The following KPNA3 variants were observed in gnomAD, a reference collection of about 807,000 sequenced individuals.
KPNA3 encodes karyopherin subunit alpha 3.
Under a neutral mutation model 73.8 loss-of-function variants are expected in KPNA3, and 13 were observed. The ratio of observed to expected loss-of-function variants is 0.18; its 90% confidence interval spans 0.11 to 0.28. The LOEUF is 0.28. Ranked by LOEUF, KPNA3 falls within the 10% of genes least tolerant of loss-of-function variation. The probability of loss-of-function intolerance (pLI) is 1.00; values close to 1 mark genes in which losing one functional copy is unlikely to be tolerated. For synonymous variants in KPNA3, 186 were observed against 206.9 expected (o/e 0.90, Z 0.87); for missense variants, 360 against 618.1 (o/e 0.58, Z 4.43).
intron 2 of KPNA3, among the ~76,000 whole-genome samples, chr13:49,740,426 TG>T (rs1310559914): frequency 2.0e-5 from 3 of 152,134 alleles, no homozygotes; most frequent in Non-Finnish European, 4.4e-5. Flanking sequence ...CATCTTGAAT[TG>T]TAACTCCCAC....
chr13:49,704,154 G>A (rs1012110702), intron 15 of KPNA3, among the ~76,000 whole-genome samples: 20 of 152,174 alleles, frequency 1.3e-4, no homozygotes, highest in Non-Finnish European at 2.6e-4. Flanking sequence ...GGGTGCAGTG[G>A]CTCACGCCTG....
At chr13:49,702,258 G>GA (rs1341572771) in intron 16 of KPNA3, 128 bp downstream of exon 16, 1 of 605,946 alleles carries the variant, frequency 1.7e-6, no homozygotes, top group Non-Finnish European at 2.9e-6. Flanking sequence ...GTGACTGATG[G>GA]AATGTCTAAT....
chr13:49,781,077 G>T (rs1312192666), intron 1 of KPNA3, among the ~76,000 whole-genome samples: 1 of 151,890 alleles, frequency 6.6e-6, no homozygotes, highest in Non-Finnish European at 1.5e-5. Flanking sequence ...TTACTTCCAG[G>T]CTTGCCCAAG....
chr13:49,752,106 T>C (rs7993281), intron 1 of KPNA3, among the ~76,000 whole-genome samples: 6,733 of 152,110 alleles, frequency 0.044, 473 homozygotes, highest in African/African-American at 0.15. Flanking sequence ...ACTAGAGACT[T>C]TGGAAAGGCA....
At chr13:49,784,372 A>G (rs1954965355) in intron 1 of KPNA3, among the ~76,000 whole-genome samples, 1 of 152,242 alleles carries the variant, frequency 6.6e-6, no homozygotes, top group Non-Finnish European at 1.5e-5. Context: ...TAGGCTAAAT[A>G]TGAAATTGCC....
chr13:49,720,259 G>C (rs984230936), intron 9 of KPNA3, among the ~76,000 whole-genome samples: 4 of 152,154 alleles, frequency 2.6e-5, no homozygotes, highest in Non-Finnish European at 4.4e-5. Flanking sequence ...AGCTACTTAA[G>C]TCAAATTAAA....
At chr13:49,790,197 C>A (rs1955021052) in intron 1 of KPNA3, among the ~76,000 whole-genome samples, 2 of 152,134 alleles carry the variant, frequency 1.3e-5, no homozygotes. Context: ...CTGGGTGTGA[C>A]GACTAGCATC....
chr13:49,707,847 C>T (rs996384585), intron 12 of KPNA3, among the ~76,000 whole-genome samples: 2 of 152,080 alleles, frequency 1.3e-5, no homozygotes, highest in South Asian at 4.1e-4. Context: ...TATAAGAACC[C>T]AACAGTCAAA....
chr13:49,785,567 T>C (rs1954975474), intron 1 of KPNA3, among the ~76,000 whole-genome samples: 1 of 152,098 alleles, frequency 6.6e-6, no homozygotes, highest in African/African-American at 2.4e-5. Context: ...CACATTGAAA[T>C]GATGATTAAA....
intron 1 of KPNA3, among the ~76,000 whole-genome samples, chr13:49,762,315 C>T (rs1045365712): frequency 1.3e-5 from 2 of 152,064 alleles, no homozygotes; most frequent in African/African-American, 4.8e-5. Flanking sequence ...GCCGCCCCTG[C>T]TGGGAAGTGA....
chr13:49,761,976 T>C (rs1257278748), intron 1 of KPNA3, among the ~76,000 whole-genome samples: 2 of 151,262 alleles, frequency 1.3e-5, no homozygotes, highest in African/African-American at 4.9e-5. Flanking sequence ...CCGCCCCATC[T>C]GAGAAGTGAG....
chr13:49,730,049 A>T (rs573799539), intron 6 of KPNA3, among the ~76,000 whole-genome samples: 14 of 152,274 alleles, frequency 9.2e-5, no homozygotes, highest in African/African-American at 3.4e-4. Flanking sequence ...AATCACGGAA[A>T]ATTTTCTGTT....
chr13:49,758,488 C>T (rs530349608), intron 1 of KPNA3, among the ~76,000 whole-genome samples: 26 of 152,132 alleles, frequency 1.7e-4, no homozygotes, highest in Non-Finnish European at 2.9e-4. Flanking sequence ...CTGGGTGCAG[C>T]GCTGCTGGTG....
intron 1 of KPNA3, among the ~76,000 whole-genome samples, chr13:49,780,266 GCT>G (rs527820624): frequency 1.5e-3 from 222 of 152,100 alleles, no homozygotes; most frequent in African/African-American, 4.8e-3. Context: ...CTGCTTTTGC[GCT>G]CAAGACACAG....
chr13:49,764,182 C>G (rs907171849), intron 1 of KPNA3, among the ~76,000 whole-genome samples: 1 of 150,348 alleles, frequency 6.7e-6, no homozygotes, highest in Admixed American at 6.6e-5. Flanking sequence ...TTGTTTCCTT[C>G]TTATATAGTC....
At chr13:49,734,914 T>C (rs2025264) in intron 2 of KPNA3, among the ~76,000 whole-genome samples, 35,575 of 139,538 alleles carry the variant, frequency 0.25, 5,124 homozygotes, top group Non-Finnish European at 0.34. Flanking sequence ...TATATATATA[T>C]ACACACACAT....
intron 1 of KPNA3, among the ~76,000 whole-genome samples, chr13:49,790,963 T>C (rs1350889623): frequency 6.6e-6 from 1 of 152,230 alleles, no homozygotes; most frequent in African/African-American, 2.4e-5. Flanking sequence ...AGTGGACCAA[T>C]AACAGGAGGC....
intron 1 of KPNA3, among the ~76,000 whole-genome samples, chr13:49,747,345 T>C (rs1204245620): frequency 6.7e-6 from 1 of 148,236 alleles, no homozygotes; most frequent in African/African-American, 2.5e-5. Flanking sequence ...AGACTGCATC[T>C]CAAAAAAAAG....
At chr13:49,761,208 CTCTCCCTCTCCCCACGG>C (rs1954756450) in intron 1 of KPNA3, among the ~76,000 whole-genome samples, 1 of 151,844 alleles carries the variant, frequency 6.6e-6, no homozygotes, top group African/African-American at 2.4e-5. Flanking sequence ...GTCCCTCTCC[CTCTCCCTCTCCCCACGG>C]TCTCCCTCTC....
Sources: allele counts gnomAD v4.1 joint callset (sites outside exome capture counted in the v4.1 genomes callset), GRCh38; gene constraint gnomAD v4.1.1; transcripts MANE v1.5; gene names NCBI Gene and HGNC (gene_info 2026-07-23, HGNC 2026-07-21).